Variants in USP32 observed in about 807,000 individuals in gnomAD.
USP32 encodes ubiquitin specific peptidase 32.
In USP32, 59 loss-of-function variants were observed where a neutral mutation model predicts 204.8. The observed-to-expected ratio is 0.29, with a 90% confidence interval of 0.23 to 0.36. The LOEUF (loss-of-function observed/expected upper bound fraction) is 0.36, where lower values mean the gene tolerates loss of function less well. Among genes scored for constraint, USP32 ranks in the 10% least tolerant of loss-of-function variants. USP32 has a pLI of 1.00. For synonymous variants in USP32, 517 were observed against 678.4 expected (o/e 0.76, Z 3.70); for missense variants, 1,160 against 1,946.4 (o/e 0.60, Z 7.60).
intron 2 of USP32, among the ~76,000 whole-genome samples, chr17:60,325,883 C>G (rs1298348722): frequency 6.6e-6 from 1 of 151,338 alleles, no homozygotes; most frequent in African/African-American, 2.4e-5. Flanking sequence ...GAGTTGAGAT[C>G]CCACCATTGC....
At chr17:60,284,228 T>C (rs2087048497) in intron 5 of USP32, among the ~76,000 whole-genome samples, 1 of 151,032 alleles carries the variant, frequency 6.6e-6, no homozygotes, top group Non-Finnish European at 1.5e-5. Flanking sequence ...TTTTTTTTTT[T>C]TTTGAGACCA....
chr17:60,268,597 A>T (rs933154595), intron 7 of USP32, among the ~76,000 whole-genome samples: 1 of 151,168 alleles, frequency 6.6e-6, no homozygotes, highest in Admixed American at 6.6e-5. Flanking sequence ...AAAAAAAAAA[A>T]AAAAAAAAGA....
chr17:60,356,672 C>T (rs2089085947), intron 1 of USP32, among the ~76,000 whole-genome samples: 1 of 152,242 alleles, frequency 6.6e-6, no homozygotes, highest in Non-Finnish European at 1.5e-5. Context: ...CAACAAATAG[C>T]AGTAACAAAC....
Position 60,392,123 on chromosome 17 carries a change from G to T in USP32, c.-184C>A. The T allele has an allele frequency of 1.7e-6, 1 of 576,450 alleles. No individual in the cohort carries two copies. Among genetic ancestry groups the T allele is most frequent in the Admixed American group, 3.6e-5 (1 of 28,080 alleles). The allele number at this position is 576,450 out of a possible 1,614,324, so 35.7% of individuals were successfully genotyped here. On this transcript the variant is annotated 5_prime_UTR_variant, in exon 1 of 34. Coordinates refer to ENST00000300896, the MANE Select transcript of USP32 (RefSeq NM_032582.4). ...TCCCGGTCGCCGCCACCGCCTCCATGCCGGATCACGTGACTCTTCCGCCCC... is the reference window on the plus strand; with the variant it reads ...TCCCGGTCGCCGCCACCGCCTCCATTCCGGATCACGTGACTCTTCCGCCCC...
At position 60,190,675 on chromosome 17, in the gene USP32, C is replaced by A; in HGVS notation, c.3530G>T (p.Arg1177Ile). The A allele has an allele frequency of 6.3e-7, 1 of 1,592,708 alleles. No homozygotes were observed. The highest frequency in any genetic ancestry group is 8.5e-7 in the Non-Finnish European group (1 of 1,174,608). ...TTCCCCACAATCAATTTTACAGCCT[C>A]TGCAAAATCTAAAAAGGGGGAAAAG... ...CAWCPWYRFCRGCKIDCGEDR... is the reference protein window; with the variant it reads ...CAWCPWYRFCIGCKIDCGEDR... The change falls in exon 29 of 34, where the codon AGA (arginine) becomes ATA (isoleucine). Residue 1177 changes from arginine (R) to isoleucine (I), a missense_variant. Around this residue, in one of 8 missense-constraint regions of USP32, gnomAD observed 160 missense variants for 322.5 expected, o/e 0.50. Transcript: ENST00000300896.
chr17:60,294,664 T>G lies in USP32; in HGVS notation c.411+19A>C. 2.0e-6 allele frequency: 3 copies of G among 1,515,436 alleles called. No individual in the cohort carries two copies. The highest frequency in any genetic ancestry group is 2.3e-5 in the East Asian group (1 of 44,066). The allele number at this position is 1,515,436 out of a possible 1,614,324, so 93.9% of individuals were successfully genotyped here. A position where few individuals can be genotyped will look rare whatever the true frequency, so the allele number is the denominator to read the frequency against. Reference sequence around the variant, plus strand: ...ACTTTGTCAATGAAAAGGGATAAAATGTAAATCTTTAACTATACCTCTGAG... The same window carrying G: ...ACTTTGTCAATGAAAAGGGATAAAAGGTAAATCTTTAACTATACCTCTGAG... On this transcript the variant is annotated intron_variant, in intron 4 of 33. Transcript: ENST00000300896.
intron 9 of USP32, 101 bp downstream of exon 9, chr17:60,265,311 G>A (rs1195005087): frequency 2.7e-6 from 2 of 748,114 alleles, no homozygotes; most frequent in East Asian, 5.6e-5. Context: ...TACTTGGTAG[G>A]GAGGATGCCA....
chr17:60,347,616 G>A (rs1284521663), intron 1 of USP32, among the ~76,000 whole-genome samples: 1 of 151,190 alleles, frequency 6.6e-6, no homozygotes, highest in Non-Finnish European at 1.5e-5. Context: ...GCCTCCCAAA[G>A]TGCTGGGATT....
intron 12 of USP32, among the ~76,000 whole-genome samples, chr17:60,233,688 T>C (rs1162721813): frequency 6.6e-6 from 1 of 152,200 alleles, no homozygotes; most frequent in African/African-American, 2.4e-5. Context: ...AGAACACTTT[T>C]CTAATTAAAA....
intron 5 of USP32, among the ~76,000 whole-genome samples, chr17:60,284,977 TTA>T (rs1372431784): frequency 7.2e-5 from 11 of 152,318 alleles, no homozygotes; most frequent in South Asian, 2.1e-4. Context: ...CTTGTCGTTG[TTA>T]TATTGAGAGC....
intron 3 of USP32, among the ~76,000 whole-genome samples, chr17:60,300,408 T>G (rs1264617098): frequency 6.6e-6 from 1 of 152,188 alleles, no homozygotes; most frequent in Non-Finnish European, 1.5e-5. Flanking sequence ...TTATCTTCCC[T>G]TTCACATTTA....
intron 1 of USP32, chr17:60,421,861 C>T: frequency 2.0e-6 from 2 of 985,430 alleles, no homozygotes; most frequent in Non-Finnish European, 2.4e-6. Context: ...CACACGAGGC[C>T]GGCGACGGGA....
At position 60,226,223 on chromosome 17, in the gene USP32, G is replaced by T. The variant is rs757763614; in HGVS notation, c.1248C>A (p.Asn416Lys). 1.3e-6 allele frequency: 2 copies of T among 1,535,642 alleles called. No homozygotes were observed. Among genetic ancestry groups the T allele is most frequent in the South Asian group, 2.6e-5 (2 of 77,074 alleles). ...QWKEYVKYDA[N>K]PVVIEPSSVL... The stretch of plus-strand genomic sequence containing the variant: ...CAGATGATGGCTCAATTACCACAGG[G>T]TTGGCATCCTAAAATCAGGAAATCA... Residue 416 changes from asparagine (N) to lysine (K), a missense_variant, in exon 13 of 34, where the codon AAC (asparagine) becomes AAA (lysine). Around this residue, in one of 8 missense-constraint regions of USP32, gnomAD observed 536 missense variants for 680.9 expected, o/e 0.79. Coordinates refer to ENST00000300896, the MANE Select transcript of USP32 (RefSeq NM_032582.4).
intron 2 of USP32, among the ~76,000 whole-genome samples, chr17:60,328,678 C>A (rs960011726): frequency 1.3e-5 from 2 of 152,206 alleles, no homozygotes; most frequent in East Asian, 1.9e-4. Context: ...GAAGGCCAGA[C>A]CTGGGAGCTC....
In USP32 at chr17:60,177,724, T is replaced by C. The variant is rs191664179; in HGVS notation, c.*1531A>G. Among the ~76,000 whole-genome samples, 201 of 152,316 alleles carry C rather than the reference T, an allele frequency of 1.3e-3. 1 individual carries two copies. Among genetic ancestry groups the C allele is most frequent in the African/African-American group, 4.5e-3 (188 of 41,574 alleles). Reference sequence around the variant, plus strand: ...CAATTATATTTTTTCTGAAAAGGATTTCAATTTAGGTAGCCATTTAAGATA... The same window carrying C: ...CAATTATATTTTTTCTGAAAAGGATCTCAATTTAGGTAGCCATTTAAGATA... On this transcript the variant is annotated 3_prime_UTR_variant, in exon 34 of 34. Transcript: ENST00000300896.
chr17:60,310,293 T>C (rs2087823734), intron 2 of USP32, among the ~76,000 whole-genome samples: 1 of 152,178 alleles, frequency 6.6e-6, no homozygotes, highest in African/African-American at 2.4e-5. Flanking sequence ...CCTGTACTAA[T>C]GTTTATTGCA....
upstream of USP32, chr17:60,392,240 C>G: frequency 2.2e-6 from 1 of 456,448 alleles, no homozygotes; most frequent in Admixed American, 4.3e-5. Flanking sequence ...CTTCCGCCCC[C>G]TCCCGCCAGC....
intron 9 of USP32, among the ~76,000 whole-genome samples, chr17:60,260,250 G>A (rs2086419300): frequency 6.6e-6 from 1 of 152,180 alleles, no homozygotes; most frequent in Admixed American, 6.5e-5. Flanking sequence ...GCTGGGTGCG[G>A]TGGCTCATGC....
chr17:60,305,818 T>C (rs1038105321), intron 2 of USP32, among the ~76,000 whole-genome samples: 1 of 152,204 alleles, frequency 6.6e-6, no homozygotes, highest in Non-Finnish European at 1.5e-5. Context: ...TGACTTTCAG[T>C]TTTGCAAGTA....
Sources: gnomAD v4.1 joint callset for allele counts (sites outside exome capture counted in the v4.1 genomes callset) on GRCh38, gnomAD v4.1.1 for gene constraint, gnomAD v4.1.1 regional missense constraint, MANE v1.5 for transcripts, NCBI Gene and HGNC (gene_info 2026-07-23, HGNC 2026-07-21) for gene names.